Variants in PTK2 observed in about 807,000 individuals in gnomAD.
PTK2 encodes the protein protein tyrosine kinase 2.
Under a neutral mutation model 150.1 loss-of-function variants are expected in PTK2, and 45 were observed. The observed-to-expected ratio is 0.30, with a 90% CI of 0.24 to 0.38. The LOEUF (loss-of-function observed/expected upper bound fraction) is 0.38, where lower values mean the gene tolerates loss of function less well. PTK2 is among the 10% of genes least tolerant of loss of function. PTK2 has a pLI of 1.00. For missense variants in PTK2, 919 were observed against 1,307.3 expected, an observed-to-expected ratio of 0.70 and a Z score of 4.58; for synonymous variants, 432 against 449.2, an observed-to-expected ratio of 0.96 and a Z score of 0.48.
chr8:140,701,052 A>T (rs373956314), intron 25 of PTK2, 30 bp from the exon 29 acceptor site: 23 of 1,603,334 alleles, frequency 1.4e-5, no homozygotes, highest in Non-Finnish European at 2.0e-5. Context: ...CAGCATATTC[A>T]GTCTCATAAG....
chr8:140,849,085 G>A (rs2100127475), intron 5 of PTK2, among the ~76,000 whole-genome samples: 2 of 152,176 alleles, frequency 1.3e-5, no homozygotes, highest in Non-Finnish European at 2.9e-5. Flanking sequence ...ATGAGAATGA[G>A]TTCAAAGTTC....
chr8:140,719,254 G>A (rs577887203), intron 22 of PTK2, among the ~76,000 whole-genome samples: 3 of 152,268 alleles, frequency 2.0e-5, no homozygotes, highest in South Asian at 4.2e-4. Flanking sequence ...CTCAAGATAC[G>A]ATTTTGGTTT....
At chr8:140,837,232 G>C (rs2100119204) in intron 7 of PTK2, among the ~76,000 whole-genome samples, 1 of 152,130 alleles carries the variant, frequency 6.6e-6, no homozygotes, top group African/African-American at 2.4e-5. Context: ...CAGGGACAGG[G>C]GTTGGGGGAC....
chr8:140,942,527 T>C (rs1460059424), intron 1 of PTK2, among the ~76,000 whole-genome samples: 2 of 152,196 alleles, frequency 1.3e-5, no homozygotes, highest in Non-Finnish European at 2.9e-5. Context: ...AAGCAGTGTC[T>C]ACACTGAAAT....
chr8:140,767,233 C>T (rs557480635), intron 14 of PTK2, among the ~76,000 whole-genome samples: 1 of 150,438 alleles, frequency 6.6e-6, no homozygotes, highest in East Asian at 2.0e-4. Context: ...TTCATACAAT[C>T]ACAAGAGAAA....
At chr8:140,665,833 C>T (rs2090766220) in intron 30 of PTK2, among the ~76,000 whole-genome samples, 1 of 152,182 alleles carries the variant, frequency 6.6e-6, no homozygotes, top group Non-Finnish European at 1.5e-5. Context: ...ATGGTTTCAC[C>T]TACTGTTGAG....
intron 5 of PTK2, among the ~76,000 whole-genome samples, chr8:140,860,280 G>A (rs1478942853): frequency 2.0e-5 from 3 of 152,138 alleles, no homozygotes; most frequent in Non-Finnish European, 4.4e-5. Flanking sequence ...ATGCATACAT[G>A]TGTAAATCTT....
At chr8:140,983,380 CAA>C (rs34040387) in intron 1 of PTK2, among the ~76,000 whole-genome samples, 13 of 78,516 alleles carry the variant, frequency 1.7e-4, no homozygotes, top group East Asian at 4.1e-4. Flanking sequence ...GACTCCATCT[CAA>C]AAAAAAAAAA....
rs554253467 is a variant in PTK2 at position 140,681,621 on chromosome 8, C to CA, written c.2562+5010dup. ...TGAAACACCGTCTCTACTAAAAATACAAAAAATTAGCCGGGCGTGGTGGCG... is the reference window on the plus strand; with the variant it reads ...TGAAACACCGTCTCTACTAAAAATACAAAAAAATTAGCCGGGCGTGGTGGCG... On this transcript the variant is annotated intron_variant, in intron 27 of 31. Coordinates refer to ENST00000522684, the Ensembl canonical transcript of PTK2. 2.0e-4 allele frequency among the ~76,000 whole-genome samples: 30 copies of CA among 152,086 alleles called. No homozygotes were observed. In the South Asian group the frequency reaches 6.2e-3, roughly 32 times the overall value.
chr8:140,869,571 A>G (rs1253610180), intron 4 of PTK2, among the ~76,000 whole-genome samples: 1 of 150,248 alleles, frequency 6.7e-6, no homozygotes, highest in Admixed American at 6.6e-5. Context: ...ATACATAAGT[A>G]GTAAAACCTT....
intron 1 of PTK2, among the ~76,000 whole-genome samples, chr8:140,994,919 T>G (rs1344752761): frequency 6.6e-6 from 1 of 152,006 alleles, no homozygotes; most frequent in Non-Finnish European, 1.5e-5. Flanking sequence ...ACCCCATCTC[T>G]ACTAAAAATA....
chr8:140,706,339 T>C (rs2100033794), intron 23 of PTK2, 134 bp from the exon 27 acceptor site: 5 of 629,806 alleles, frequency 7.9e-6, no homozygotes, highest in Admixed American at 2.6e-5. Context: ...GACATTTCAA[T>C]AGGGAAAGAA....
At chr8:140,728,285 C>G (rs1192710450) in intron 22 of PTK2, among the ~76,000 whole-genome samples, 1 of 151,910 alleles carries the variant, frequency 6.6e-6, no homozygotes, top group Admixed American at 6.6e-5. Flanking sequence ...AAAGTGAGAT[C>G]TGTCATTCCA....
chr8:140,697,989 G>C (rs1440731142), intron 26 of PTK2, among the ~76,000 whole-genome samples: 2 of 149,212 alleles, frequency 1.3e-5, no homozygotes, highest in African/African-American at 4.9e-5. Flanking sequence ...TGCCTGGCTG[G>C]AATATAGCCT....
intron 17 of PTK2, among the ~76,000 whole-genome samples, chr8:140,749,083 G>A (rs1290353620): frequency 2.0e-5 from 3 of 152,166 alleles, no homozygotes; most frequent in Admixed American, 1.3e-4. Context: ...ATTAGTGGGT[G>A]TTCTGTCTAG....
At chr8:140,776,272 G>A (rs1045279133) in intron 14 of PTK2, among the ~76,000 whole-genome samples, 9 of 152,214 alleles carry the variant, frequency 5.9e-5, no homozygotes, top group Non-Finnish European at 1.2e-4. Flanking sequence ...CAAAGAGCTG[G>A]CATTAAAGGT....
intron 4 of PTK2, among the ~76,000 whole-genome samples, chr8:140,870,861 A>G (rs1030070142): frequency 6.6e-6 from 1 of 152,186 alleles, no homozygotes; most frequent in African/African-American, 2.4e-5. Context: ...ACTTTTGGTT[A>G]TATTTTAGAG....
At chr8:140,796,320 C>G (rs1304302135) in intron 12 of PTK2, among the ~76,000 whole-genome samples, 1 of 152,272 alleles carries the variant, frequency 6.6e-6, no homozygotes, top group Non-Finnish European at 1.5e-5. Context: ...ACATCTATTT[C>G]AAGCAAAATA....
At chr8:140,830,379 C>T in intron 8 of PTK2, 93 bp downstream of exon 8, 1 of 763,198 alleles carries the variant, frequency 1.3e-6, no homozygotes, top group Non-Finnish European at 2.1e-6. Context: ...AGGAAGGAAA[C>T]TACATTTTAC....
Sources: allele counts gnomAD v4.1 joint callset (sites outside exome capture counted in the v4.1 genomes callset), GRCh38; gene constraint gnomAD v4.1.1; transcripts MANE v1.5; gene names NCBI Gene and HGNC (gene_info 2026-07-23, HGNC 2026-07-21).